The following KHDRBS2 variants were observed in gnomAD, a reference collection of about 807,000 sequenced individuals.
The protein encoded by KHDRBS2 is KH domain-containing, RNA-binding, signal transduction-associated protein 2.
KHDRBS2 carries 26 observed loss-of-function variants against 44.3 expected under a neutral mutation model. The ratio of observed to expected loss-of-function variants is 0.59; its 90% confidence interval spans 0.43 to 0.81. The LOEUF (loss-of-function observed/expected upper bound fraction) is 0.81, where lower values mean the gene tolerates loss of function less well. Ranked by LOEUF, KHDRBS2 falls within the 40% of genes least tolerant of loss-of-function variation. The pLI, the probability that KHDRBS2 is intolerant of heterozygous loss-of-function variation, is 0.00. For missense variants in KHDRBS2, 476 were observed against 433.1 expected (o/e 1.10, Z -0.88); for synonymous variants, 194 against 151.1 (o/e 1.28, Z -2.08).
At chr6:61,855,184 T>C (rs963023557) in intron 6 of KHDRBS2, among the ~76,000 whole-genome samples, 1 of 152,248 alleles carries the variant, frequency 6.6e-6, no homozygotes, top group Middle Eastern at 3.4e-3. Context: ...ACATGCCATA[T>C]CCTTTGTAAA....
At position 62,189,133 on chromosome 6, in the gene KHDRBS2, A is replaced by T. The variant is rs1307677529; in HGVS notation, c.92-11821T>A. ...GTCTGTCTCCAAGAAACAAAAAACA[A>T]AAAAAAAAGAAGAAGAAAGAAAAAG... On this transcript the variant is annotated intron_variant, in intron 1 of 8. Transcript: ENST00000281156. Among the ~76,000 whole-genome samples the T allele has an allele frequency of 5.3e-5, 8 of 149,948 alleles. No individual in the cohort carries two copies. In the East Asian group the frequency reaches 1.6e-3, roughly 30 times the overall value.
chr6:61,879,738 G>A (rs1444700089), intron 6 of KHDRBS2, among the ~76,000 whole-genome samples: 2 of 151,694 alleles, frequency 1.3e-5, no homozygotes, highest in Non-Finnish European at 2.9e-5. Context: ...TAGGACTTTT[G>A]TCTCTTGTTC....
the KHDRBS2 span, among the ~76,000 whole-genome samples, chr6:61,617,222 T>A: frequency 6.6e-6 from 1 of 152,200 alleles, no homozygotes; most frequent in African/African-American, 2.4e-5. Flanking sequence ...ATATCACATT[T>A]TAAACTGTTC....
chr6:61,675,465 G>T (rs887153171), downstream of KHDRBS2, among the ~76,000 whole-genome samples: 1 of 151,406 alleles, frequency 6.6e-6, no homozygotes, highest in African/African-American at 2.4e-5. Flanking sequence ...ATCATTTTGT[G>T]ACAACTTTAT....
chr6:62,153,342 A>G (rs62415605), intron 2 of KHDRBS2, among the ~76,000 whole-genome samples: 10,379 of 152,224 alleles, frequency 0.068, 437 homozygotes, highest in Middle Eastern at 0.13. Flanking sequence ...TTAGTAATAA[A>G]GAAAAAAAAA....
At chr6:62,257,898 C>T (rs1434363540) in intron 1 of KHDRBS2, among the ~76,000 whole-genome samples, 1 of 151,918 alleles carries the variant, frequency 6.6e-6, no homozygotes, top group Admixed American at 6.6e-5. Context: ...TCTCCTTTTG[C>T]TCTCTACGAC....
At chr6:61,595,517 TCAA>T in the KHDRBS2 span, among the ~76,000 whole-genome samples, 8 of 152,122 alleles carry the variant, frequency 5.3e-5, no homozygotes, top group African/African-American at 1.9e-4. Context: ...ATAACTTTCC[TCAA>T]CAAAAGCATA....
chr6:61,543,995 A>G, the KHDRBS2 span, among the ~76,000 whole-genome samples: 1 of 152,066 alleles, frequency 6.6e-6, no homozygotes, highest in East Asian at 1.9e-4. Context: ...TTGTTTGTAG[A>G]TACAAAAAAA....
At chr6:61,906,543 C>T (rs962032755) in intron 4 of KHDRBS2, among the ~76,000 whole-genome samples, 2 of 151,992 alleles carry the variant, frequency 1.3e-5, no homozygotes, top group African/African-American at 4.8e-5. Context: ...AACTTCCCCC[C>T]CTCCTTCCCA....
chr6:62,239,614 G>A (rs1834260772), intron 1 of KHDRBS2, among the ~76,000 whole-genome samples: 1 of 151,796 alleles, frequency 6.6e-6, no homozygotes, highest in Admixed American at 6.6e-5. Flanking sequence ...GTACAAGTGT[G>A]CTTTTGGGGG....
chr6:62,011,046 G>A (rs1780199980), intron 3 of KHDRBS2, among the ~76,000 whole-genome samples: 2 of 152,020 alleles, frequency 1.3e-5, no homozygotes, highest in Admixed American at 1.3e-4. Context: ...TTCTAATGAA[G>A]AGGTTATTAT....
chr6:62,102,242 G>A (rs1455182391), intron 2 of KHDRBS2, among the ~76,000 whole-genome samples: 7 of 152,206 alleles, frequency 4.6e-5, no homozygotes, highest in South Asian at 4.2e-4. Context: ...AGTTGTTAAC[G>A]CATTACATAT....
chr6:61,747,706 T>C (rs1417875992), intron 6 of KHDRBS2, among the ~76,000 whole-genome samples: 10 of 152,298 alleles, frequency 6.6e-5, no homozygotes, highest in Admixed American at 5.2e-4. Context: ...AAGGCATTTT[T>C]AATTGTTTTG....
the KHDRBS2 span, among the ~76,000 whole-genome samples, chr6:61,626,288 C>T: frequency 2.0e-5 from 3 of 152,282 alleles, no homozygotes; most frequent in East Asian, 1.9e-4. Flanking sequence ...ATAAAATCCT[C>T]TTCAGAGGTA....
chr6:61,843,371 A>C (rs893369297), intron 6 of KHDRBS2, among the ~76,000 whole-genome samples: 4 of 144,572 alleles, frequency 2.8e-5, no homozygotes, highest in African/African-American at 7.7e-5. Flanking sequence ...TATTATTATT[A>C]TTATATTTTG....
intron 1 of KHDRBS2, among the ~76,000 whole-genome samples, chr6:62,281,574 C>T (rs1454954996): frequency 4.6e-5 from 7 of 152,068 alleles, no homozygotes; most frequent in Non-Finnish European, 8.8e-5. Context: ...GAGCCAAAAT[C>T]GCACCACTTC....
chr6:61,642,660 CAA>C, the KHDRBS2 span, among the ~76,000 whole-genome samples: 414 of 134,716 alleles, frequency 3.1e-3, 1 homozygote, highest in South Asian at 0.018. Flanking sequence ...GACTCCACAT[CAA>C]AAAAAAAAAA....
At chr6:61,826,708 A>G (rs1790925840) in intron 6 of KHDRBS2, among the ~76,000 whole-genome samples, 1 of 152,154 alleles carries the variant, frequency 6.6e-6, no homozygotes, top group African/African-American at 2.4e-5. Context: ...TGTTTAAAAT[A>G]ATAGGATGAT....
chr6:61,576,474 G>T, the KHDRBS2 span, among the ~76,000 whole-genome samples: 64 of 152,214 alleles, frequency 4.2e-4, no homozygotes, highest in African/African-American at 1.4e-3. Context: ...TTGTGGAGGA[G>T]TCTTTAGGCT....
Sources: gnomAD v4.1 joint callset for allele counts (sites outside exome capture counted in the v4.1 genomes callset) on GRCh38, gnomAD v4.1.1 for gene constraint, MANE v1.5 for transcripts, NCBI Gene and HGNC (gene_info 2026-07-23, HGNC 2026-07-21) for gene names.